Variants in PARD3B observed in about 807,000 individuals in gnomAD.
PARD3B encodes the protein partitioning defective 3 homolog B.
In PARD3B, 103 loss-of-function variants were observed where a neutral mutation model predicts 130.2. The observed-to-expected ratio is 0.79, with a 90% CI of 0.67 to 0.93. The LOEUF (loss-of-function observed/expected upper bound fraction) is 0.93, where lower values mean the gene tolerates loss of function less well. Among genes scored for constraint, PARD3B ranks in the 40% least tolerant of loss-of-function variants. The pLI is 0.00. For synonymous variants in PARD3B, 583 were observed against 553.2 expected, an observed-to-expected ratio of 1.05 and a Z score of -0.76; for missense variants, 1,609 against 1,499.2, an observed-to-expected ratio of 1.07 and a Z score of -1.21.
rs181315198 is a variant in PARD3B at position 204,970,919 on chromosome 2, A to G, written c.394+5596A>G. On this transcript the variant is annotated intron_variant, in intron 3 of 22. Transcript: ENST00000406610. ...CTTGTTTTTGAGACTTGAAAGCTGA[A>G]AGGTGCCTCAGATGCTTTATTGTTT... Among the ~76,000 whole-genome samples the G allele has an allele frequency of 2.0e-5, 3 of 152,310 alleles. No individual in the cohort carries two copies. In the East Asian group the frequency reaches 5.8e-4, roughly 29 times the overall value.
chr2:205,123,169 G>A (rs2030959322), intron 8 of PARD3B, among the ~76,000 whole-genome samples: 1 of 152,196 alleles, frequency 6.6e-6, no homozygotes, highest in Non-Finnish European at 1.5e-5. Flanking sequence ...CACTGCATCT[G>A]TCTAAAGGTG....
chr2:205,212,715 T>C (rs2037708745), intron 15 of PARD3B, among the ~76,000 whole-genome samples: 1 of 152,096 alleles, frequency 6.6e-6, no homozygotes, highest in Non-Finnish European at 1.5e-5. Context: ...AGCACTGCAA[T>C]ATGCCTCCAA....
intron 2 of PARD3B, among the ~76,000 whole-genome samples, chr2:204,908,977 T>A (rs2047135099): frequency 6.6e-6 from 1 of 152,072 alleles, no homozygotes. Context: ...GATAAAAACA[T>A]TGAGTGGTTT....
chr2:205,152,722 G>A (rs909618885), intron 10 of PARD3B, among the ~76,000 whole-genome samples: 4 of 152,128 alleles, frequency 2.6e-5, no homozygotes, highest in African/African-American at 9.7e-5. Context: ...GCTCGGAGAA[G>A]TTTGTTATTA....
chr2:205,079,080 A>T (rs1485107880), intron 4 of PARD3B, among the ~76,000 whole-genome samples: 1 of 152,218 alleles, frequency 6.6e-6, no homozygotes, highest in Non-Finnish European at 1.5e-5. Flanking sequence ...TGAGATGTGA[A>T]TATGTAAACC....
In PARD3B at chr2:205,015,162, T is replaced by C. The variant is rs1291420432; in HGVS notation, c.395-32419T>C. Among the ~76,000 whole-genome samples, 1 of 152,192 alleles carries C rather than the reference T, an allele frequency of 6.6e-6. No individual in the cohort carries two copies. The highest frequency in any genetic ancestry group is 1.5e-5 in the Non-Finnish European group (1 of 68,034). ...TTTTGTATGTTATATGTATTATGTA[T>C]ACAATATGTATTTTTATGTATTCTT... On this transcript the variant is annotated intron_variant, in intron 3 of 22. Coordinates refer to ENST00000406610, the MANE Select transcript of PARD3B (RefSeq NM_001302769.2). The surrounding 1 kb of genome is among the most constrained non-coding windows in gnomAD (Gnocchi z 4.5).
At chr2:204,826,256 G>A (rs369937075) in intron 2 of PARD3B, among the ~76,000 whole-genome samples, 1 of 152,166 alleles carries the variant, frequency 6.6e-6, no homozygotes, top group Admixed American at 6.5e-5. Context: ...TACCTCCATA[G>A]CTAGTGCTGC....
At chr2:205,409,561 A>G (rs1038018706) in intron 19 of PARD3B, among the ~76,000 whole-genome samples, 3 of 152,150 alleles carry the variant, frequency 2.0e-5, no homozygotes, top group Non-Finnish European at 2.9e-5. Context: ...AGCATTTTTT[A>G]TGAGCCAAAA....
At position 205,105,338 on chromosome 2, in the gene PARD3B, A is replaced by G. The variant is rs1364547930; in HGVS notation, c.593+824A>G. Among the ~76,000 whole-genome samples the G allele has an allele frequency of 6.6e-6, 1 of 152,096 alleles. No individual in the cohort carries two copies. Among genetic ancestry groups the G allele is most frequent in the Non-Finnish European group, 1.5e-5 (1 of 68,034 alleles). The stretch of plus-strand genomic sequence containing the variant: ...TCATTAATATCACATCATCTCTATT[A>G]TTGTTCTAATCATCATTTTGTTTAA... On this transcript the variant is annotated intron_variant, in intron 5 of 22. Coordinates refer to ENST00000406610, the MANE Select transcript of PARD3B (RefSeq NM_001302769.2). The surrounding 1 kb of genome is among the most constrained non-coding windows in gnomAD (Gnocchi z 4.0).
At chr2:205,310,719 C>CTTTTTTTTTTTTTTTTTTTT (rs34032930) in intron 18 of PARD3B, among the ~76,000 whole-genome samples, 11 of 82,592 alleles carry the variant, frequency 1.3e-4, no homozygotes, top group African/African-American at 4.9e-4. Context: ...TTCTTTCTTT[C>CTTTTTTTTTTTTTTTTTTTT]TTTTTTTTTT....
At chr2:204,862,771 C>T (rs2045262633) in intron 2 of PARD3B, among the ~76,000 whole-genome samples, 1 of 152,144 alleles carries the variant, frequency 6.6e-6, no homozygotes, top group African/African-American at 2.4e-5. Flanking sequence ...AAACCAGGTT[C>T]TTGTCACACG....
chr2:204,716,371 G>A (rs184165409), intron 2 of PARD3B, among the ~76,000 whole-genome samples: 51 of 152,058 alleles, frequency 3.4e-4, no homozygotes, highest in African/African-American at 1.1e-3. Context: ...TAACCCTAGC[G>A]ATTTGTATAT....
At chr2:204,908,934 C>T (rs2047132342) in intron 2 of PARD3B, among the ~76,000 whole-genome samples, 2 of 152,084 alleles carry the variant, frequency 1.3e-5, no homozygotes, top group African/African-American at 4.8e-5. Context: ...TTTCATGAGA[C>T]CTTAAGGCCC....
chr2:205,156,694 CA>C (rs2034192049), intron 10 of PARD3B, among the ~76,000 whole-genome samples: 1 of 152,054 alleles, frequency 6.6e-6, no homozygotes, highest in Non-Finnish European at 1.5e-5. Context: ...CAATAAACCT[CA>C]CAGGTTTGTT....
rs138636430 is a variant in PARD3B, at chr2:205,321,916, G to A, written c.2630+20215G>A. The stretch of plus-strand genomic sequence containing the variant: ...GGTGCAAATATCCTTGTGATAAAGC[G>A]TCGGTAACCATTAAATTTGGTGCAG... On this transcript the variant is annotated intron_variant, in intron 18 of 22. Transcript: ENST00000406610. This position sits in a 1 kb window ranked among gnomAD's most constrained non-coding sequence, Gnocchi z 4.2. Among the ~76,000 whole-genome samples the A allele has an allele frequency of 0.011, 1,751 of 152,274 alleles. 29 individuals carry two copies. The highest frequency in any genetic ancestry group is 0.04 in the African/African-American group (1,682 of 41,546).
At chr2:205,581,609 G>A (rs904661618) in intron 22 of PARD3B, among the ~76,000 whole-genome samples, 6 of 150,424 alleles carry the variant, frequency 4.0e-5, no homozygotes, top group African/African-American at 1.5e-4. Flanking sequence ...CAGTGGAATC[G>A]GAATGTTCCT....
chr2:204,761,333 G>C (rs1044807845), intron 2 of PARD3B, among the ~76,000 whole-genome samples: 1 of 152,130 alleles, frequency 6.6e-6, no homozygotes, highest in Admixed American at 6.5e-5. Flanking sequence ...TTAGAATACA[G>C]ATCACTAAAA....
chr2:204,851,440 T>G lies in PARD3B; in HGVS notation c.223-113712T>G, dbSNP rs1259452015. Reference sequence around the variant, plus strand: ...TAGAGTACTGTTAAACTAATCAGCTTGTTGTCAGAGTGAATGGTAAACATT... The same window carrying G: ...TAGAGTACTGTTAAACTAATCAGCTGGTTGTCAGAGTGAATGGTAAACATT... On this transcript the variant is annotated intron_variant, in intron 2 of 22. Transcript: ENST00000406610. 1.3e-5 allele frequency among the ~76,000 whole-genome samples: 2 copies of G among 152,206 alleles called. 1 individual carries two copies. Among genetic ancestry groups the G allele is most frequent in the Non-Finnish European group, 2.9e-5 (2 of 68,030 alleles).
intron 2 of PARD3B, among the ~76,000 whole-genome samples, chr2:204,810,274 A>G (rs539205275): frequency 6.6e-6 from 1 of 152,086 alleles, no homozygotes; most frequent in Non-Finnish European, 1.5e-5. Context: ...AGAACTTCCC[A>G]TACTATGTTG....
Sources: gnomAD v4.1 joint callset for allele counts (sites outside exome capture counted in the v4.1 genomes callset) on GRCh38, gnomAD v4.1.1 for gene constraint, Gnocchi (gnomAD v3.1) non-coding constraint, MANE v1.5 for transcripts, NCBI Gene and HGNC (gene_info 2026-07-23, HGNC 2026-07-21) for gene names.